The following MARCOL variants were observed in gnomAD, a reference collection of about 807,000 sequenced individuals.
MARCOL encodes the protein MARCO like, also known as MARCO-like protein.
At position 148,242,518 on chromosome 5, in the gene MARCOL, A is replaced by G. The variant is rs1257709877; in HGVS notation, c.122A>G (p.Glu41Gly). The change falls in exon 2 of 2, where the codon GAG (glutamate) becomes GGG (glycine). Residue 41 changes from glutamate to glycine, a missense_variant. By Grantham distance (98) the Glu-to-Gly change is moderately conservative. Coordinates refer to ENST00000638089, the MANE Select transcript of MARCOL (RefSeq NM_001363511.2). ...AATCCAAAACCTGCACTTATTCTGGAGGAAAAAAATGAAGCTAACCATCTA... is the reference window on the plus strand; with the variant it reads ...AATCCAAAACCTGCACTTATTCTGGGGGAAAAAAATGAAGCTAACCATCTA... ...EENPKPALIL[E>G]EKNEANHLGG... 7.5e-6 allele frequency: 3 copies of G among 398,204 alleles called. No homozygotes were observed. The highest frequency in any genetic ancestry group is 4.1e-5 in the African/African-American group (2 of 48,590). 24.7% of individuals were successfully genotyped at this position (398,204 alleles called of 1,614,324 possible). A position where few individuals can be genotyped will look rare whatever the true frequency, so the allele number is the denominator to read the frequency against.
rs897796241 is a variant in MARCOL, at chr5:148,242,770, C to T, written c.374C>T (p.Ser125Phe). The change falls in exon 2 of 2, where the codon TCT (serine) becomes TTT (phenylalanine). Residue 125 changes from serine (S) to phenylalanine (F), a missense_variant. Transcript: ENST00000638089. ...ESSNKQENSG[S>F]SSQLGRPGIS... ...TCTAATAAGCAGGAAAACTCAGGAT[C>T]TTCTAGCCAACTAGGGAGACCAGGG... is the stretch of plus-strand genomic sequence containing the variant. 1 of 398,376 alleles carries T rather than the reference C, an allele frequency of 2.5e-6. No individual in the cohort carries two copies. Among genetic ancestry groups the T allele is most frequent in the Non-Finnish European group, 4.4e-6 (1 of 226,004 alleles). The allele number at this position is 398,376 out of a possible 1,614,324, so 24.7% of individuals were successfully genotyped here.
intron 1 of MARCOL, among the ~76,000 whole-genome samples, chr5:148,239,136 TATTTCGGGAACTATACAGATA>T (rs1184209758): frequency 1.3e-5 from 2 of 152,016 alleles, no homozygotes; most frequent in African/African-American, 2.4e-5. Flanking sequence ...CCTATAGAGT[TATTTCGGGAACTATACAGATA>T]ATAGCTTTAG....
At chr5:148,241,216 C>G (rs1226708344) in intron 1 of MARCOL, among the ~76,000 whole-genome samples, 3 of 151,756 alleles carry the variant, frequency 2.0e-5, no homozygotes, top group Non-Finnish European at 4.4e-5. Context: ...ATAGCATGCT[C>G]AGTGCATACC....
Position 148,242,568 on chromosome 5 carries a change from C to A in MARCOL, c.172C>A (p.Gln58Lys). 2.5e-6 allele frequency: 1 copy of A among 398,180 alleles called. No homozygotes were observed. The allele number at this position is 398,180 out of a possible 1,614,324, so 24.7% of individuals were successfully genotyped here. Residue 58 changes from glutamine to lysine, a missense_variant, in exon 2 of 2, where the codon CAA becomes AAA. Physicochemically the swap from Gln to Lys is moderately conservative, Grantham distance 53. Transcript: ENST00000638089. ...HLGGQRDSNK[Q>K]GGSYTQGNPG... ...AGGAGGACAAAGAGATTCTAATAAG[C>A]AAGGAGGTAGTTATACACAAGGAAA...
chr5:148,242,221 T>A lies in MARCOL; in HGVS notation c.50-225T>A, dbSNP rs1421013706. ...GATTTAGAAATGGGGCAAGTTGGAT[T>A]GATCCTCTAATTTTTGAAAACCATG... On this transcript the variant is annotated intron_variant, in intron 1 of 1. Coordinates refer to ENST00000638089, the MANE Select transcript of MARCOL (RefSeq NM_001363511.2). Among the ~76,000 whole-genome samples the A allele has an allele frequency of 2.0e-5, 3 of 152,242 alleles. No homozygotes were observed. The South Asian group carries it at 6.2e-4, about 32-fold the overall frequency.
In MARCOL at chr5:148,242,636, C is replaced by G. The variant is rs967660799; in HGVS notation, c.240C>G (p.Asn80Lys). The G allele has an allele frequency of 4.5e-5, 18 of 398,296 alleles. No homozygotes were observed. The highest frequency in any genetic ancestry group is 5.8e-5 in the Non-Finnish European group (13 of 225,956). 24.7% of individuals were successfully genotyped at this position (398,296 alleles called of 1,614,324 possible). Residue 80 changes from asparagine to lysine, a missense_variant, in exon 2 of 2, where the codon AAC becomes AAG. By Grantham distance (94) the Asn-to-Lys change is moderately conservative. Transcript: ENST00000638089. ...FRLQGQPGYF[N>K]KLEKPRHFKQ... ...TTCAAGGACAACCAGGCTATTTTAACAAGCTAGAGAAACCAAGACATTTTA... is the reference window on the plus strand; with the variant it reads ...TTCAAGGACAACCAGGCTATTTTAAGAAGCTAGAGAAACCAAGACATTTTA...
intron 1 of MARCOL, among the ~76,000 whole-genome samples, chr5:148,241,709 G>T (rs1332414451): frequency 1.3e-5 from 2 of 151,878 alleles, no homozygotes; most frequent in African/African-American, 4.8e-5. Context: ...GGCATAGGTG[G>T]GCTTCCAAAA....
At chr5:148,238,984 T>C (rs1345478790) in intron 1 of MARCOL, among the ~76,000 whole-genome samples, 1 of 152,118 alleles carries the variant, frequency 6.6e-6, no homozygotes, top group Non-Finnish European at 1.5e-5. Flanking sequence ...AATGGTTTTG[T>C]GATATGATCC....
intron 1 of MARCOL, among the ~76,000 whole-genome samples, chr5:148,241,809 A>C (rs1442439821): frequency 6.6e-6 from 1 of 152,132 alleles, no homozygotes; most frequent in Non-Finnish European, 1.5e-5. Context: ...TAGAAAGAAG[A>C]AATATAACCA....
intron 1 of MARCOL, among the ~76,000 whole-genome samples, chr5:148,239,669 T>C (rs1479108750): frequency 6.6e-6 from 1 of 151,710 alleles, no homozygotes; most frequent in African/African-American, 2.4e-5. Flanking sequence ...AGTTAAGAGA[T>C]AGAATTAGAG....
At chr5:148,240,919 C>T (rs1171886790) in intron 1 of MARCOL, among the ~76,000 whole-genome samples, 5 of 151,934 alleles carry the variant, frequency 3.3e-5, no homozygotes, top group East Asian at 3.9e-4. Context: ...TTACTCCTCA[C>T]GTGATAGCAT....
intron 1 of MARCOL, among the ~76,000 whole-genome samples, chr5:148,239,007 T>C (rs1755935492): frequency 6.6e-6 from 1 of 152,106 alleles, no homozygotes; most frequent in African/African-American, 2.4e-5. Context: ...GACTACATGG[T>C]CAAATAATAA....
chr5:148,243,007 C>T lies in MARCOL; in HGVS notation c.611C>T (p.Pro204Leu), dbSNP rs190568495. 3.8e-5 allele frequency: 15 copies of T among 398,654 alleles called. No homozygotes were observed. The highest frequency in any genetic ancestry group is 5.3e-5 in the Non-Finnish European group (12 of 226,030). The allele number at this position is 398,654 out of a possible 1,614,324, so 24.7% of individuals were successfully genotyped here. Residue 204 changes from proline to leucine, a missense_variant, in exon 2 of 2, where the codon CCA (proline) becomes CTA (leucine). Pro to Leu is a moderately conservative substitution (Grantham distance 98). Transcript: ENST00000638089. ...HLGLSSHQGK[P>L]ESSGQQGKPG... ...GGTTTATCTAGCCATCAAGGGAAGC[C>T]AGAGTCATCTGGCCAACAGGGGAAG...
chr5:148,238,846 A>G (rs570769923), intron 1 of MARCOL, among the ~76,000 whole-genome samples, 200 bp downstream of exon 1: 2 of 152,122 alleles, frequency 1.3e-5, no homozygotes, highest in Admixed American at 6.6e-5. Context: ...ATCAGAGTGA[A>G]TAGTTTGGTG....
At position 148,243,051 on chromosome 5, in the gene MARCOL, C is replaced by G. The variant is rs1755986081; in HGVS notation, c.655C>G (p.Gln219Glu). 2 of 397,216 alleles carry G rather than the reference C, an allele frequency of 5.0e-6. No individual in the cohort carries two copies. Among genetic ancestry groups the G allele is most frequent in the Non-Finnish European group, 4.4e-6 (1 of 225,088 alleles). The allele number at this position is 397,216 out of a possible 1,614,324, so 24.6% of individuals were successfully genotyped here. The stretch of plus-strand genomic sequence containing the variant: ...GGGGAAGCCAGGGTCATCTAGCCAA[C>G]AAGGAAATCTAGGAACTTCTGGCCA... ...QQGKPGSSSQQGNLGTSGQQE... is the reference protein window; with the variant it reads ...QQGKPGSSSQEGNLGTSGQQE... The change falls in exon 2 of 2, where the codon CAA becomes GAA. Residue 219 changes from glutamine (Q) to glutamate (E), a missense_variant. Transcript: ENST00000638089.
At chr5:148,241,330 G>A (rs1161909079) in intron 1 of MARCOL, among the ~76,000 whole-genome samples, 1 of 151,514 alleles carries the variant, frequency 6.6e-6, no homozygotes, top group South Asian at 2.1e-4. Flanking sequence ...GAGACCCTAA[G>A]TATACATCTG....
Position 148,242,768 on chromosome 5 carries a change from A to G in MARCOL, c.372A>G (p.Gly124=), listed in dbSNP as rs1027713565. 7.5e-6 allele frequency: 3 copies of G among 398,414 alleles called. No individual in the cohort carries two copies. The highest frequency in any genetic ancestry group is 1.3e-5 in the Non-Finnish European group (3 of 226,008). 24.7% of individuals were successfully genotyped at this position (398,414 alleles called of 1,614,324 possible). Reference sequence around the variant, plus strand: ...CTTCTAATAAGCAGGAAAACTCAGGATCTTCTAGCCAACTAGGGAGACCAG... The same window carrying G: ...CTTCTAATAAGCAGGAAAACTCAGGGTCTTCTAGCCAACTAGGGAGACCAG... The part of the protein sequence containing the change: ...PESSNKQENS[G]SSSQLGRPGI... Residue 124 remains glycine (G), a synonymous_variant, in exon 2 of 2, where the codon GGA becomes GGG. Transcript: ENST00000638089.
intron 1 of MARCOL, among the ~76,000 whole-genome samples, chr5:148,241,453 T>C (rs1755964152): frequency 6.9e-6 from 1 of 145,888 alleles, no homozygotes; most frequent in Non-Finnish European, 1.5e-5. Flanking sequence ...GAACCCCACA[T>C]TAGGAAAGTG....
intron 1 of MARCOL, among the ~76,000 whole-genome samples, 160 bp from the exon 2 acceptor site, chr5:148,242,286 A>G (rs764034671): frequency 5.3e-5 from 8 of 152,166 alleles, no homozygotes; most frequent in Non-Finnish European, 1.2e-4. Context: ...CCAAATATTC[A>G]GGATATGAGG....
Sources: allele counts gnomAD v4.1 joint callset (sites outside exome capture counted in the v4.1 genomes callset), GRCh38; gene constraint gnomAD v4.1.1; transcripts MANE v1.5; gene names NCBI Gene and HGNC (gene_info 2026-07-23, HGNC 2026-07-21).